Variants in ANK3 observed in about 807,000 individuals in gnomAD.
ANK3 encodes ankyrin 3.
A neutral mutation model predicts 370.9 loss-of-function variants in ANK3; 57 were observed. The observed-to-expected ratio is 0.15, with a 90% confidence interval of 0.12 to 0.19. The LOEUF is 0.19. Among genes scored for constraint, ANK3 ranks in the 10% least tolerant of loss-of-function variants. ANK3 has a pLI of 1.00. For missense variants in ANK3, 4,439 were observed against 5,302.1 expected, an observed-to-expected ratio of 0.84 and a Z score of 5.06; for synonymous variants, 1,929 against 1,946.3, an observed-to-expected ratio of 0.99 and a Z score of 0.23.
chr10:60,194,145 G>GA (rs753943050), intron 16 of ANK3, among the ~76,000 whole-genome samples: 1 of 151,994 alleles, frequency 6.6e-6, no homozygotes, highest in Non-Finnish European at 1.5e-5. Context: ...AAAAGAAAGA[G>GA]AAAAAGAAAA....
At chr10:60,189,575 T>C (rs1467503534) in intron 16 of ANK3, among the ~76,000 whole-genome samples, 2 of 152,228 alleles carry the variant, frequency 1.3e-5, no homozygotes, top group African/African-American at 2.4e-5. Flanking sequence ...CTTCAAATAA[T>C]AAGCACATTT....
intron 41 of ANK3, among the ~76,000 whole-genome samples, chr10:60,058,149 C>G (rs2079573851): frequency 1.3e-5 from 2 of 152,184 alleles, no homozygotes; most frequent in African/African-American, 4.8e-5. Flanking sequence ...GATACATCCT[C>G]TCTTTTTCTA....
At chr10:60,654,756 A>G (rs2078839884) in intron 1 of ANK3, among the ~76,000 whole-genome samples, 1 of 152,104 alleles carries the variant, frequency 6.6e-6, no homozygotes. Flanking sequence ...TTTTTTCCTT[A>G]TAATGTCTTT....
At chr10:60,502,914 AAAAGAAAAGG>A (rs1567098465) in intron 2 of ANK3, among the ~76,000 whole-genome samples, 4 of 151,294 alleles carry the variant, frequency 2.6e-5, no homozygotes, top group African/African-American at 7.4e-5. Flanking sequence ...GACAGAAAGA[AAAAGAAAAGG>A]AAAGAAAAGG....
intron 1 of ANK3, among the ~76,000 whole-genome samples, chr10:60,692,955 T>C (rs987563571): frequency 7.9e-5 from 12 of 152,176 alleles, no homozygotes; most frequent in African/African-American, 2.9e-4. Flanking sequence ...CTTAAGATTA[T>C]AATAGGGGTG....
At chr10:60,176,352 G>A (rs1427365918) in intron 18 of ANK3, among the ~76,000 whole-genome samples, 2 of 122,372 alleles carry the variant, frequency 1.6e-5, no homozygotes, top group Non-Finnish European at 3.2e-5. Context: ...GCAACAGAGT[G>A]AGAGACTCTG....
chr10:60,690,200 C>A (rs537395200), intron 1 of ANK3, among the ~76,000 whole-genome samples: 44 of 152,322 alleles, frequency 2.9e-4, no homozygotes, highest in African/African-American at 8.7e-4. Context: ...GCATTTCCAA[C>A]TGAGGCACCT....
intron 1 of ANK3, among the ~76,000 whole-genome samples, chr10:60,386,893 C>T (rs1157816772): frequency 6.6e-6 from 1 of 152,156 alleles, no homozygotes; most frequent in Non-Finnish European, 1.5e-5. Context: ...GGTGTGGTGG[C>T]TCACGCCTGT....
chr10:60,358,739 A>G (rs142426510), intron 1 of ANK3, among the ~76,000 whole-genome samples: 1 of 152,224 alleles, frequency 6.6e-6, no homozygotes, highest in East Asian at 1.9e-4. Context: ...CTTTCTGTTC[A>G]CTTTACTTCT....
intron 7 of ANK3, among the ~76,000 whole-genome samples, chr10:60,237,942 T>G (rs1168636617): frequency 6.6e-6 from 1 of 152,202 alleles, no homozygotes; most frequent in African/African-American, 2.4e-5. Context: ...AGAGGCAGAA[T>G]CAGGATCAGA....
chr10:60,093,474 G>T (rs573127662), intron 28 of ANK3, among the ~76,000 whole-genome samples: 1 of 152,270 alleles, frequency 6.6e-6, no homozygotes, highest in South Asian at 2.1e-4. Flanking sequence ...ATTTACTTGA[G>T]ATCAGTCTAG....
At chr10:60,272,744 T>C (rs921889878) in intron 4 of ANK3, among the ~76,000 whole-genome samples, 2 of 151,982 alleles carry the variant, frequency 1.3e-5, no homozygotes, top group Non-Finnish European at 2.9e-5. Context: ...TCCCAAAGTG[T>C]TGGGATTACA....
chr10:60,402,750 C>T (rs1295602042), intron 2 of ANK3, among the ~76,000 whole-genome samples: 2 of 152,156 alleles, frequency 1.3e-5, no homozygotes, highest in African/African-American at 4.8e-5. Context: ...TGGCCCATCA[C>T]CCCCCACCCC....
chr10:60,697,441 G>A (rs959416574), intron 1 of ANK3, among the ~76,000 whole-genome samples: 24 of 149,374 alleles, frequency 1.6e-4, no homozygotes, highest in South Asian at 4.3e-4. Context: ...AGCCCGCATC[G>A]CCAAGTCAAT....
At chr10:60,599,772 C>A (rs912365004) in intron 2 of ANK3, among the ~76,000 whole-genome samples, 1 of 152,128 alleles carries the variant, frequency 6.6e-6, no homozygotes, top group Non-Finnish European at 1.5e-5. Context: ...ATGTCCCTCT[C>A]CTCTGATTAA....
Position 60,481,101 on chromosome 10 carries a change from C to T in ANK3, c.96+134085G>A, listed in dbSNP as rs116398228. ...CTCTGACTGAGTAAACATTCAACCT[C>T]CCTGGTTATTCATCTCTATGAAACT... On this transcript the variant is annotated intron_variant, in intron 2 of 43. Coordinates refer to the ANK3 transcript ENST00000373827. Among the ~76,000 whole-genome samples the T allele has an allele frequency of 3.6e-3, 555 of 152,254 alleles. 2 individuals carry two copies. The highest frequency in any genetic ancestry group is 0.012 in the African/African-American group (516 of 41,538).
chr10:60,166,555 TA>T lies in ANK3; in HGVS notation c.2614+35del, dbSNP rs757664262. 14 of 1,487,590 alleles carry T rather than the reference TA, an allele frequency of 9.4e-6. No individual in the cohort carries two copies. In the South Asian group the frequency reaches 1.6e-4, roughly 17 times the overall value. 92.1% of individuals were successfully genotyped at this position (1,487,590 alleles called of 1,614,324 possible). On this transcript the variant is annotated intron_variant, in intron 23 of 43. Coordinates refer to ENST00000280772, the MANE Select transcript of ANK3 (RefSeq NM_020987.5). ...AAGAAATGAAAGATAAAGTTGGTAGTAGTTAAGTTTCATCACAATAAAAATT... is the reference window on the plus strand; with the variant it reads ...AAGAAATGAAAGATAAAGTTGGTAGTGTTAAGTTTCATCACAATAAAAATT...
At chr10:60,049,535 C>T (rs916053920) in intron 42 of ANK3, among the ~76,000 whole-genome samples, 1 of 151,702 alleles carries the variant, frequency 6.6e-6, no homozygotes, top group Non-Finnish European at 1.5e-5. Flanking sequence ...TGCAGTGAGC[C>T]GAGATTACAC....
At chr10:60,509,678 T>G (rs1452852211) in intron 2 of ANK3, among the ~76,000 whole-genome samples, 2 of 152,128 alleles carry the variant, frequency 1.3e-5, no homozygotes, top group East Asian at 3.9e-4. Flanking sequence ...CAGTATGGTT[T>G]TATAGCTATT....
Sources: gnomAD v4.1 joint callset for allele counts (sites outside exome capture counted in the v4.1 genomes callset) on GRCh38, gnomAD v4.1.1 for gene constraint, MANE v1.5 for transcripts, NCBI Gene and HGNC (gene_info 2026-07-23, HGNC 2026-07-21) for gene names.